DGKG: variants seen among roughly 807,000 people sequenced by gnomAD.
DGKG encodes diacylglycerol kinase gamma, also known as DAG kinase gamma.
DGKG carries 78 observed loss-of-function variants against 105.3 expected under a neutral mutation model. That is an observed-to-expected ratio of 0.74 (90% CI 0.62 to 0.89). DGKG has a LOEUF of 0.89. DGKG is among the 40% of genes least tolerant of loss of function. The pLI is 0.00. For synonymous variants in DGKG, 346 were observed against 367.1 expected, an observed-to-expected ratio of 0.94 and a Z score of 0.66; for missense variants, 958 against 1,020.1, an observed-to-expected ratio of 0.94 and a Z score of 0.83.
At chr3:186,262,053 G>T in intron 14 of DGKG, 1 of 342,530 alleles carries the variant, frequency 2.9e-6, no homozygotes, top group Non-Finnish European at 5.5e-6. Context: ...ACGATGACGT[G>T]GTCTTGTACC....
chr3:186,251,440 T>G (rs1861874), intron 19 of DGKG, among the ~76,000 whole-genome samples: 38,333 of 152,126 alleles, frequency 0.25, 7,493 homozygotes, highest in African/African-American at 0.55. Context: ...CCCGGTTATT[T>G]CTTGGTGTTG....
At chr3:186,348,451 C>CT (rs1159516433) in intron 1 of DGKG, among the ~76,000 whole-genome samples, 1,245 of 50,662 alleles carry the variant, frequency 0.025, 39 homozygotes, top group African/African-American at 0.048. Flanking sequence ...GGCTCATAAT[C>CT]TTTTTTTTTT....
chr3:186,162,669 A>G (rs1454084083), intron 23 of DGKG, among the ~76,000 whole-genome samples: 2 of 151,948 alleles, frequency 1.3e-5, no homozygotes, highest in Admixed American at 6.6e-5. Context: ...CCTCCCGAGT[A>G]ACTGGGACTA....
intron 2 of DGKG, chr3:186,313,434 T>C (rs1724656805): frequency 1.1e-6 from 1 of 911,518 alleles, no homozygotes; most frequent in Non-Finnish European, 1.3e-6. Flanking sequence ...TATGACTTAT[T>C]TGTGTAAGTA....
At chr3:186,296,821 T>G (rs1230325878) in intron 5 of DGKG, among the ~76,000 whole-genome samples, 2 of 152,198 alleles carry the variant, frequency 1.3e-5, no homozygotes, top group Non-Finnish European at 2.9e-5. Flanking sequence ...TTGTGAAGCT[T>G]AGATGAAATG....
In DGKG at chr3:186,253,260, C is replaced by T. The variant is rs1578730332; in HGVS notation, c.1511-78G>A. The T allele has an allele frequency of 3.4e-6, 4 of 1,187,664 alleles. No homozygotes were observed. The East Asian group carries it at 9.4e-5, about 28-fold the overall frequency. The allele number at this position is 1,187,664 out of a possible 1,614,324, so 73.6% of individuals were successfully genotyped here. ...TTTGAGTTGTCTTTTTATCCCTGAT[C>T]TGATGCTTGAACCCCTCCATAGCAT... On this transcript the variant is annotated intron_variant, in intron 17 of 24. Transcript: ENST00000265022.
intron 1 of DGKG, among the ~76,000 whole-genome samples, chr3:186,328,908 A>G (rs946376449): frequency 1.4e-4 from 21 of 152,042 alleles, no homozygotes; most frequent in African/African-American, 4.8e-4. Flanking sequence ...CTTCAAGAAA[A>G]GTTAGGGGCC....
At chr3:186,318,302 C>G (rs1159569949) in intron 2 of DGKG, among the ~76,000 whole-genome samples, 3 of 151,956 alleles carry the variant, frequency 2.0e-5, no homozygotes, top group Non-Finnish European at 2.9e-5. Context: ...CCTTACCCAC[C>G]CCTGCACACC....
At chr3:186,243,168 T>C (rs904459644) in intron 19 of DGKG, among the ~76,000 whole-genome samples, 1 of 151,484 alleles carries the variant, frequency 6.6e-6, no homozygotes, top group African/African-American at 2.4e-5. Context: ...TCCACACCAA[T>C]AGAAATAATT....
intron 21 of DGKG, among the ~76,000 whole-genome samples, chr3:186,208,104 C>T (rs1206196655): frequency 2.0e-5 from 3 of 151,750 alleles, no homozygotes; most frequent in Non-Finnish European, 4.4e-5. Context: ...TGCAGTGGTG[C>T]AATCTTGGCC....
Position 186,206,257 on chromosome 3 carries a change from G to T in DGKG, c.1917+5538C>A, listed in dbSNP as rs572515841. On this transcript the variant is annotated intron_variant, in intron 21 of 24. Transcript: ENST00000265022. The stretch of plus-strand genomic sequence containing the variant: ...AAATTAGCTGGGCGTGGTGGTGCAC[G>T]CCTGTAGTCTCAGGTACTTGGGAGG... Among the ~76,000 whole-genome samples the T allele has an allele frequency of 9.9e-5, 15 of 152,180 alleles. 1 individual carries two copies. In the South Asian group the frequency reaches 3.1e-3, roughly 32 times the overall value.
At chr3:186,333,014 G>T (rs995180084) in intron 1 of DGKG, among the ~76,000 whole-genome samples, 1 of 152,134 alleles carries the variant, frequency 6.6e-6, no homozygotes, top group Non-Finnish European at 1.5e-5. Flanking sequence ...CTCACCAGAT[G>T]CAGTCCCTCA....
intron 17 of DGKG, among the ~76,000 whole-genome samples, chr3:186,256,576 T>C (rs1015438307): frequency 9.2e-5 from 14 of 152,174 alleles, no homozygotes; most frequent in African/African-American, 2.9e-4. Flanking sequence ...CCTCCTTTGC[T>C]CAAAACCATC....
intron 22 of DGKG, among the ~76,000 whole-genome samples, chr3:186,181,564 C>A (rs1214424440): frequency 2.6e-5 from 4 of 152,084 alleles, no homozygotes; most frequent in African/African-American, 9.7e-5. Context: ...GAAACCTAGT[C>A]TTTACTAAAA....
chr3:186,347,609 G>GTC (rs901243633), intron 1 of DGKG, among the ~76,000 whole-genome samples: 1 of 151,394 alleles, frequency 6.6e-6, no homozygotes, highest in African/African-American at 2.4e-5. Flanking sequence ...TTGAGGCAGA[G>GTC]TCTCACCGTG....
chr3:186,226,226 G>A lies in DGKG; in HGVS notation c.1827-14341C>T, dbSNP rs1025793017. On this transcript the variant is annotated intron_variant, in intron 20 of 24. Transcript: ENST00000265022. The surrounding 1 kb of genome is among the most constrained non-coding windows in gnomAD (Gnocchi z 4.2). ...TATACCACCAAGGCTTGATTATTAAGGGACAAATTCTTTAGTAAGTAGATA... is the reference window on the plus strand; with the variant it reads ...TATACCACCAAGGCTTGATTATTAAAGGACAAATTCTTTAGTAAGTAGATA... 1.3e-5 allele frequency among the ~76,000 whole-genome samples: 2 copies of A among 152,148 alleles called. No homozygotes were observed. The highest frequency in any genetic ancestry group is 4.8e-5 in the African/African-American group (2 of 41,412).
chr3:186,243,979 C>T (rs1324305564), intron 19 of DGKG, among the ~76,000 whole-genome samples: 3 of 141,960 alleles, frequency 2.1e-5, no homozygotes, highest in Non-Finnish European at 4.5e-5. Flanking sequence ...TCACTGCAAC[C>T]TCTGCCTCCC....
At position 186,260,516 on chromosome 3, in the gene DGKG, A is replaced by T. The variant is rs1721715577; in HGVS notation, c.1350-3T>A. The T allele has an allele frequency of 1.2e-6, 2 of 1,606,688 alleles. No homozygotes were observed. Among genetic ancestry groups the T allele is most frequent in the East Asian group, 4.5e-5 (2 of 44,844 alleles). On this transcript the variant is annotated splice_region_variant and splice_polypyrimidine_tract_variant and intron_variant, in intron 15 of 24. Transcript: ENST00000265022. Reference sequence around the variant, plus strand: ...GATAGTGGAATTTCCGAAGAATTCTATGGAAAAAAAAAGAAAAGGAGGGAG... The same window carrying T: ...GATAGTGGAATTTCCGAAGAATTCTTTGGAAAAAAAAAGAAAAGGAGGGAG...
At chr3:186,276,485 C>T (rs1722594504) in intron 9 of DGKG, among the ~76,000 whole-genome samples, 1 of 152,160 alleles carries the variant, frequency 6.6e-6, no homozygotes, top group South Asian at 2.1e-4. Flanking sequence ...TGTGCATGTA[C>T]TAGTGTGATA....
Sources: gnomAD v4.1 joint callset for allele counts (sites outside exome capture counted in the v4.1 genomes callset) on GRCh38, gnomAD v4.1.1 for gene constraint, Gnocchi (gnomAD v3.1) non-coding constraint, MANE v1.5 for transcripts, NCBI Gene and HGNC (gene_info 2026-07-23, HGNC 2026-07-21) for gene names.